Variants in ABCC1 observed in about 807,000 individuals in gnomAD.
The protein encoded by ABCC1 is multidrug resistance-associated protein 1.
In ABCC1, 83 loss-of-function variants were observed where a neutral mutation model predicts 172.9. The observed-to-expected ratio is 0.48, with a 90% CI of 0.40 to 0.58. The LOEUF (loss-of-function observed/expected upper bound fraction) is 0.58. Ranked by LOEUF, ABCC1 falls within the 20% of genes least tolerant of loss-of-function variation. The pLI is 0.00. For missense variants in ABCC1, 1,817 were observed against 2,002.7 expected (o/e 0.91, Z 1.77); for synonymous variants, 937 against 825.2 (o/e 1.14, Z -2.32).
chr16:15,967,955 G>C (rs766872867), intron 1 of ABCC1, among the ~76,000 whole-genome samples: 1 of 152,132 alleles, frequency 6.6e-6, no homozygotes, highest in Non-Finnish European at 1.5e-5. Flanking sequence ...TGTCTTGTCT[G>C]ATGTTATAAG....
intron 19 of ABCC1, among the ~76,000 whole-genome samples, chr16:16,096,286 TGCCCAGAA>T (rs2051477793): frequency 6.6e-6 from 1 of 152,128 alleles, no homozygotes; most frequent in Non-Finnish European, 1.5e-5. Flanking sequence ...CTGCCCTCAC[TGCCCAGAA>T]GGGGAGCTGT....
chr16:15,973,395 G>A (rs559971981), intron 1 of ABCC1, among the ~76,000 whole-genome samples: 36 of 152,202 alleles, frequency 2.4e-4, no homozygotes, highest in African/African-American at 8.7e-4. Flanking sequence ...AGTGGGTAGA[G>A]GCCAGGGGGT....
Position 16,024,116 on chromosome 16 carries a change from G to A in ABCC1, c.615+7495G>A, listed in dbSNP as rs191309813. 4.6e-5 allele frequency among the ~76,000 whole-genome samples: 7 copies of A among 152,280 alleles called. No individual in the cohort carries two copies. The East Asian group carries it at 1.2e-3, about 25-fold the overall frequency. ...TGCCTGTAATCCCAGCTACTCGGGA[G>A]GCTCAGGCAGGAGAATTGCTTGAAC... On this transcript the variant is annotated intron_variant, in intron 5 of 30. Coordinates refer to ENST00000399410, the MANE Select transcript of ABCC1 (RefSeq NM_004996.4).
chr16:16,124,660 ACT>A (rs2045356259), intron 24 of ABCC1, 127 bp from the exon 25 acceptor site: 6 of 1,333,980 alleles, frequency 4.5e-6, no homozygotes, highest in South Asian at 4.0e-5. Context: ...GCCAGGAAGG[ACT>A]CTCTCTGGAA....
chr16:16,136,484 G>GT lies in ABCC1; in HGVS notation c.4136dup (p.Leu1379PhefsTer19). ...CTCTCTTCTCTCTGAACAGGACCCT[G>GT]TTTTGTTTTCGGGTTCCCTCCGAAT... On this transcript the variant is annotated frameshift_variant, in exon 29 of 31. Coordinates refer to ENST00000399410, the MANE Select transcript of ABCC1 (RefSeq NM_004996.4). LOFTEE classifies it high-confidence loss of function. The GT allele has an allele frequency of 6.2e-7, 1 of 1,614,174 alleles. No individual in the cohort carries two copies. Among genetic ancestry groups the GT allele is most frequent in the Non-Finnish European group, 8.5e-7 (1 of 1,180,038 alleles).
chr16:16,037,471 C>T (rs1010223312), intron 7 of ABCC1, among the ~76,000 whole-genome samples: 1 of 149,886 alleles, frequency 6.7e-6, no homozygotes, highest in Non-Finnish European at 1.5e-5. Flanking sequence ...CGTTATTATT[C>T]TATGTAACAG....
chr16:15,986,576 G>A (rs940803151), intron 1 of ABCC1, among the ~76,000 whole-genome samples: 25 of 152,308 alleles, frequency 1.6e-4, no homozygotes, highest in African/African-American at 5.5e-4. Context: ...AGGGGGAACA[G>A]TTTCATCCTG....
intron 28 of ABCC1, among the ~76,000 whole-genome samples, chr16:16,135,022 AACTG>A (rs1243809667): frequency 5.3e-5 from 8 of 152,302 alleles, no homozygotes; most frequent in South Asian, 4.1e-4. Context: ...CGTGGGAATT[AACTG>A]ACTATCAGTC....
At chr16:16,104,623 T>TG (rs371356390) in intron 20 of ABCC1, among the ~76,000 whole-genome samples, 24 of 152,192 alleles carry the variant, frequency 1.6e-4, no homozygotes, top group African/African-American at 5.1e-4. Context: ...GATGCCACAC[T>TG]GGGGCTGCAG....
upstream of ABCC1, among the ~76,000 whole-genome samples, chr16:15,949,227 G>T (rs1030306447): frequency 2.0e-5 from 3 of 151,554 alleles, no homozygotes; most frequent in East Asian, 5.9e-4. Context: ...ATGAAATGAG[G>T]GCACAGTTAA....
chr16:15,999,640 A>G (rs1247368662), intron 1 of ABCC1, among the ~76,000 whole-genome samples: 1 of 149,176 alleles, frequency 6.7e-6, no homozygotes, highest in African/African-American at 2.4e-5. Flanking sequence ...ATAGAAAAAG[A>G]AAAATAAAAG....
chr16:15,950,298 C>T (rs1473148741), intron 1 of ABCC1, among the ~76,000 whole-genome samples: 1 of 152,014 alleles, frequency 6.6e-6, no homozygotes, highest in Non-Finnish European at 1.5e-5. Context: ...CCAAAGTTGT[C>T]GTACAAGCCA....
intron 12 of ABCC1, among the ~76,000 whole-genome samples, chr16:16,062,957 T>C (rs148554867): frequency 1.3e-5 from 2 of 152,306 alleles, no homozygotes; most frequent in African/African-American, 4.8e-5. Context: ...TTTGTGAGCT[T>C]CTTGCCTTCT....
At chr16:16,079,639 T>C (rs2050728522) in intron 16 of ABCC1, among the ~76,000 whole-genome samples, 161 bp downstream of exon 16, 1 of 152,150 alleles carries the variant, frequency 6.6e-6, no homozygotes, top group Admixed American at 6.5e-5. Context: ...TCTTTCTCTC[T>C]CGTTCTTTCT....
intron 28 of ABCC1, among the ~76,000 whole-genome samples, 177 bp from the exon 29 acceptor site, chr16:16,136,301 G>A (rs2045915307): frequency 6.6e-6 from 1 of 152,116 alleles, no homozygotes. Context: ...TGGGATTACA[G>A]GCGTGAACCA....
chr16:16,127,196 A>G (rs947608786), intron 26 of ABCC1, among the ~76,000 whole-genome samples: 1 of 152,158 alleles, frequency 6.6e-6, no homozygotes, highest in Non-Finnish European at 1.5e-5. Context: ...CGTTTAATAT[A>G]GAGTAATGCA....
chr16:16,094,761 C>T (rs779666866), intron 19 of ABCC1, among the ~76,000 whole-genome samples: 3 of 150,504 alleles, frequency 2.0e-5, no homozygotes, highest in Non-Finnish European at 3.0e-5. Flanking sequence ...ATGATCCGCC[C>T]GCCTCGGCCT....
intron 1 of ABCC1, among the ~76,000 whole-genome samples, chr16:15,977,697 C>T (rs191693045): frequency 6.6e-6 from 1 of 152,162 alleles, no homozygotes; most frequent in Non-Finnish European, 1.5e-5. Context: ...ATCCTCCCAT[C>T]TTGGCCTTCC....
At chr16:16,011,234 A>G (rs77540648) in intron 3 of ABCC1, among the ~76,000 whole-genome samples, 1 of 62,214 alleles carries the variant, frequency 1.6e-5, no homozygotes, top group Non-Finnish European at 6.4e-5. Flanking sequence ...CCTCATCTCA[A>G]AAAAGAAAAA....
Sources: gnomAD v4.1 joint callset for allele counts (sites outside exome capture counted in the v4.1 genomes callset) on GRCh38, gnomAD v4.1.1 for gene constraint, MANE v1.5 for transcripts, NCBI Gene and HGNC (gene_info 2026-07-23, HGNC 2026-07-21) for gene names.